TPD52: variants seen among roughly 807,000 people sequenced by gnomAD.
TPD52 encodes tumor protein D52.
A neutral mutation model predicts 31.3 loss-of-function variants in TPD52; 17 were observed. That is an observed-to-expected ratio of 0.54 (90% CI 0.37 to 0.82). TPD52 has a LOEUF of 0.82. Among genes scored for constraint, TPD52 ranks in the 40% least tolerant of loss-of-function variants. TPD52 has a pLI of 0.00. For synonymous variants in TPD52, 83 were observed against 89.6 expected, an observed-to-expected ratio of 0.93 and a Z score of 0.42; for missense variants, 212 against 240.1, an observed-to-expected ratio of 0.88 and a Z score of 0.77.
At chr8:80,093,940 G>T (rs906273157) in intron 1 of TPD52, among the ~76,000 whole-genome samples, 1 of 99,898 alleles carries the variant, frequency 1.0e-5, no homozygotes. Context: ...TGTGTGGAAA[G>T]CTTCAAAACT....
chr8:80,072,342 T>G (rs1813917709), intron 1 of TPD52, among the ~76,000 whole-genome samples: 1 of 151,078 alleles, frequency 6.6e-6, no homozygotes, highest in Non-Finnish European at 1.5e-5. Flanking sequence ...TGTGTGTGTG[T>G]GTGTGTATGT....
At chr8:80,073,496 G>A (rs1814169256) in intron 1 of TPD52, among the ~76,000 whole-genome samples, 3 of 152,142 alleles carry the variant, frequency 2.0e-5, no homozygotes, top group Non-Finnish European at 4.4e-5. Context: ...AAGAACCTAC[G>A]GTCCAGTCTA....
chr8:80,147,854 A>AC lies in TPD52; in HGVS notation c.19+23570dup, dbSNP rs200128179. Among the ~76,000 whole-genome samples the AC allele has an allele frequency of 9.3e-3, 1,406 of 150,680 alleles. 21 individuals carry two copies. The highest frequency in any genetic ancestry group is 0.033 in the African/African-American group (1,345 of 41,002). The stretch of plus-strand genomic sequence containing the variant: ...CACACACACGCACACACACACACAC[A>AC]CCCCCCACACCCCCTGTACTTTATT... On this transcript the variant is annotated intron_variant, in intron 1 of 7. Transcript: ENST00000518937.
intron 6 of TPD52, chr8:80,043,031 A>G (rs1212414473): frequency 2.9e-5 from 5 of 173,386 alleles, no homozygotes; most frequent in South Asian, 1.6e-4. Context: ...GATCAGTTTA[A>G]TTTTGGTTAA....
At chr8:80,053,069 A>G (rs1163186416) in intron 3 of TPD52, 4 of 440,552 alleles carry the variant, frequency 9.1e-6, no homozygotes, top group African/African-American at 6.0e-5. Flanking sequence ...CCAACTGGCT[A>G]GCTTTCTTTC....
rs1325257137 is a variant in TPD52, at chr8:80,071,379, A to G, written c.20-6786T>C. ...GGATTTGCTGTTTCCCCCAGGTTCC[A>G]TGCCCTATAACTTGTCCTGGCAATT... On this transcript the variant is annotated intron_variant, in intron 1 of 7. Transcript: ENST00000518937. Among the ~76,000 whole-genome samples, 2 of 152,108 alleles carry G rather than the reference A, an allele frequency of 1.3e-5. 1 individual carries two copies. The highest frequency in any genetic ancestry group is 2.9e-5 in the Non-Finnish European group (2 of 68,020).
At chr8:80,062,373 T>C (rs774507093) in intron 2 of TPD52, among the ~76,000 whole-genome samples, 5 of 152,142 alleles carry the variant, frequency 3.3e-5, no homozygotes, top group Admixed American at 2.6e-4. Context: ...CAAAACCATA[T>C]ACGCTAATTA....
chr8:80,164,058 G>GAGAGAGAGAA (rs146809127), intron 1 of TPD52, among the ~76,000 whole-genome samples: 2 of 140,974 alleles, frequency 1.4e-5, no homozygotes, highest in Non-Finnish European at 3.0e-5. Context: ...GAGAGAGACA[G>GAGAGAGAGAA]ACAGACAGAA....
rs533704340 is a variant in TPD52 at position 80,047,984 on chromosome 8, G to A, written c.413+2461C>T. 3.0e-4 allele frequency among the ~76,000 whole-genome samples: 46 copies of A among 152,286 alleles called. 1 individual carries two copies. The highest frequency in any genetic ancestry group is 1.1e-3 in the African/African-American group (45 of 41,536). ...AAATTTTATGTTTAACCCTGGCACT[G>A]ACTGCAATGAGAAGGTTCTTTTAAA... is the stretch of plus-strand genomic sequence containing the variant. On this transcript the variant is annotated intron_variant, in intron 5 of 7. Transcript: ENST00000518937.
intron 1 of TPD52, among the ~76,000 whole-genome samples, chr8:80,148,317 A>AGTGTGTGTGTGT (rs34231994): frequency 0.049 from 6,982 of 143,914 alleles, 173 homozygotes; most frequent in East Asian, 0.082. Flanking sequence ...TTCCTGGCTA[A>AGTGTGTGTGTGT]GTGTGTGTGT....
chr8:80,104,499 A>G (rs1319163329), intron 1 of TPD52, among the ~76,000 whole-genome samples: 1 of 151,902 alleles, frequency 6.6e-6, no homozygotes, highest in Non-Finnish European at 1.5e-5. Flanking sequence ...CTGTAATTTC[A>G]GCACTCTGGG....
At chr8:80,066,724 A>C (rs1813194270) in intron 1 of TPD52, among the ~76,000 whole-genome samples, 1 of 152,140 alleles carries the variant, frequency 6.6e-6, no homozygotes, top group Admixed American at 6.5e-5. Context: ...ACCGTGAACA[A>C]CGTGCTGTAC....
At chr8:80,147,368 C>A (rs1285023401) in intron 1 of TPD52, among the ~76,000 whole-genome samples, 1 of 152,056 alleles carries the variant, frequency 6.6e-6, no homozygotes, top group Non-Finnish European at 1.5e-5. Flanking sequence ...TGAAACACTG[C>A]CGATCACAAA....
intron 1 of TPD52, among the ~76,000 whole-genome samples, chr8:80,091,032 T>C (rs1029917355): frequency 1.3e-5 from 2 of 152,226 alleles, no homozygotes; most frequent in African/African-American, 4.8e-5. Context: ...TGACATATAA[T>C]AAGCATAAGA....
chr8:80,150,240 C>T (rs1300109355), intron 1 of TPD52, among the ~76,000 whole-genome samples: 1 of 152,222 alleles, frequency 6.6e-6, no homozygotes, highest in Non-Finnish European at 1.5e-5. Context: ...TGTGGGTATG[C>T]AGAAGTCAAG....
intron 1 of TPD52, among the ~76,000 whole-genome samples, chr8:80,135,508 T>G (rs970222928): frequency 6.6e-6 from 1 of 152,150 alleles, no homozygotes; most frequent in Non-Finnish European, 1.5e-5. Context: ...TTTTCCAACA[T>G]TTCTGATAAT....
intron 1 of TPD52, among the ~76,000 whole-genome samples, chr8:80,079,703 G>A (rs1815011997): frequency 6.6e-6 from 1 of 152,146 alleles, no homozygotes; most frequent in African/African-American, 2.4e-5. Flanking sequence ...GCTTTCTGCT[G>A]CCTTGTGCCA....
intron 1 of TPD52, among the ~76,000 whole-genome samples, chr8:80,115,432 A>C (rs1188408785): frequency 1.3e-5 from 2 of 152,242 alleles, no homozygotes; most frequent in African/African-American, 4.8e-5. Context: ...AGAGAGCAGA[A>C]GCTATAAGGC....
intron 1 of TPD52, among the ~76,000 whole-genome samples, chr8:80,139,789 G>A (rs1251167999): frequency 2.0e-5 from 3 of 152,000 alleles, no homozygotes; most frequent in African/African-American, 2.4e-5. Context: ...AAAATACAAC[G>A]GCGTTTTTCA....
Sources: gnomAD v4.1 joint callset for allele counts (sites outside exome capture counted in the v4.1 genomes callset) on GRCh38, gnomAD v4.1.1 for gene constraint, MANE v1.5 for transcripts, NCBI Gene and HGNC (gene_info 2026-07-23, HGNC 2026-07-21) for gene names.